The following EIF3M variants were observed in gnomAD, a reference collection of about 807,000 sequenced individuals.
EIF3M encodes the protein B5 receptor.
EIF3M carries 25 observed loss-of-function variants against 49.7 expected under a neutral mutation model. That is an observed-to-expected ratio of 0.50 (90% CI 0.37 to 0.70). The LOEUF is 0.70. EIF3M is among the 30% of genes least tolerant of loss of function. EIF3M has a pLI of 0.00. For synonymous variants in EIF3M, 156 were observed against 149.8 expected (o/e 1.04, Z -0.30); for missense variants, 350 against 440.0 (o/e 0.80, Z 1.83).
intron 6 of EIF3M, 64 bp from the exon 7 acceptor site, chr11:32,594,845 ATCTGC>A: frequency 7.1e-7 from 1 of 1,415,440 alleles, no homozygotes; most frequent in East Asian, 2.3e-5. Flanking sequence ...ATATTTTATG[ATCTGC>A]AAAAACTCAA....
chr11:32,599,961 C>T (rs1855236195), intron 8 of EIF3M, among the ~76,000 whole-genome samples: 1 of 151,836 alleles, frequency 6.6e-6, no homozygotes, highest in Non-Finnish European at 1.5e-5. Context: ...ATTACAACAG[C>T]ATGTTTCATT....
chr11:32,583,862 G>A lies in EIF3M; in HGVS notation c.-26G>A. Reference sequence around the variant, plus strand: ...CGGTCGGCGTGGTCTTGCGAGTGGAGTGTCCGCTGTGCCCGGGCCTGCACC... The same window carrying A: ...CGGTCGGCGTGGTCTTGCGAGTGGAATGTCCGCTGTGCCCGGGCCTGCACC... On this transcript the variant is annotated 5_prime_UTR_variant, in exon 1 of 11. The change creates a new upstream start codon in the 5' untranslated region. Coordinates refer to ENST00000531120, the MANE Select transcript of EIF3M (RefSeq NM_006360.6). 4 of 1,611,172 alleles carry A rather than the reference G, an allele frequency of 2.5e-6. No individual in the cohort carries two copies. The highest frequency in any genetic ancestry group is 3.4e-6 in the Non-Finnish European group (4 of 1,178,158).
chr11:32,597,153 A>G (rs1289902627), intron 8 of EIF3M, among the ~76,000 whole-genome samples: 1 of 152,250 alleles, frequency 6.6e-6, no homozygotes, highest in African/African-American at 2.4e-5. Flanking sequence ...TCATAATGGT[A>G]ACTTTCAGAA....
chr11:32,584,438 T>C (rs1443272470), intron 1 of EIF3M, among the ~76,000 whole-genome samples: 1 of 151,808 alleles, frequency 6.6e-6, no homozygotes, highest in Non-Finnish European at 1.5e-5. Flanking sequence ...AAACCCTGTC[T>C]CTATTAAAAA....
At chr11:32,584,812 CGT>C (rs1854969441) in intron 1 of EIF3M, among the ~76,000 whole-genome samples, 1 of 152,034 alleles carries the variant, frequency 6.6e-6, no homozygotes, top group South Asian at 2.1e-4. Context: ...TTAAATTTCC[CGT>C]TTGGCGTTTG....
At chr11:32,588,830 C>T (rs988604545) in intron 3 of EIF3M, 98 bp downstream of exon 3, 38 of 1,573,986 alleles carry the variant, frequency 2.4e-5, no homozygotes, top group Non-Finnish European at 3.1e-5. Context: ...ACTTGACTCT[C>T]AGCTGTGGCT....
chr11:32,584,607 C>CAAAAAATAAA (rs1854964306), intron 1 of EIF3M, among the ~76,000 whole-genome samples: 1 of 62,292 alleles, frequency 1.6e-5, no homozygotes, highest in Non-Finnish European at 2.9e-5. Flanking sequence ...GAGTCCCTCT[C>CAAAAAATAAA]AAAAAAAAAA....
intron 4 of EIF3M, among the ~76,000 whole-genome samples, 167 bp downstream of exon 4, chr11:32,589,302 GA>G (rs1211496287): frequency 1.3e-5 from 2 of 151,988 alleles, no homozygotes; most frequent in African/African-American, 4.8e-5. Context: ...TCTGCCTCCT[GA>G]GCAGCTGGGA....
At chr11:32,584,792 C>A (rs1026863438) in intron 1 of EIF3M, among the ~76,000 whole-genome samples, 2 of 152,052 alleles carry the variant, frequency 1.3e-5, no homozygotes, top group African/African-American at 4.8e-5. Flanking sequence ...GATGGACCAT[C>A]CTGATATTTT....
chr11:32,585,615 G>C (rs1590509814), intron 1 of EIF3M, among the ~76,000 whole-genome samples: 1 of 152,152 alleles, frequency 6.6e-6, no homozygotes, highest in Non-Finnish European at 1.5e-5. Context: ...CTGTGTATCT[G>C]TTTCCTCCAT....
At chr11:32,596,857 A>T (rs569890849) in intron 8 of EIF3M, among the ~76,000 whole-genome samples, 1 of 152,086 alleles carries the variant, frequency 6.6e-6, no homozygotes, top group Non-Finnish European at 1.5e-5. Context: ...GTGAGTTCAG[A>T]TCACACTGCT....
intron 5 of EIF3M, among the ~76,000 whole-genome samples, chr11:32,589,995 T>C (rs1344726557): frequency 1.3e-5 from 2 of 152,152 alleles, no homozygotes; most frequent in African/African-American, 4.8e-5. Context: ...AAAAACTTTG[T>C]GTTAATGTAA....
chr11:32,597,343 CT>C (rs35635717), intron 8 of EIF3M, among the ~76,000 whole-genome samples: 37,191 of 151,592 alleles, frequency 0.25, 4,661 homozygotes, highest in Middle Eastern at 0.28. Context: ...TTTTTCCCCC[CT>C]ACTATACTAT....
At chr11:32,599,312 G>A (rs1257645170) in intron 8 of EIF3M, among the ~76,000 whole-genome samples, 4 of 151,958 alleles carry the variant, frequency 2.6e-5, no homozygotes, top group Non-Finnish European at 5.9e-5. Flanking sequence ...CTTGGCGCCT[G>A]TAGATTTCCA....
intron 5 of EIF3M, 102 bp downstream of exon 5, chr11:32,589,743 TTCTCC>T: frequency 3.3e-5 from 29 of 882,480 alleles, no homozygotes; most frequent in Non-Finnish European, 4.6e-5. Context: ...CTTTACTCTG[TTCTCC>T]ACAGAGTTGC....
At chr11:32,595,566 A>ACTTACTCACTTACTAAG (rs1268334809) in intron 7 of EIF3M, among the ~76,000 whole-genome samples, 1 of 152,120 alleles carries the variant, frequency 6.6e-6, no homozygotes, top group African/African-American at 2.4e-5. Context: ...TCACTTACTC[A>ACTTACTCACTTACTAAG]TCATTATAGA....
rs1473353817 is a variant in EIF3M at position 32,604,531 on chromosome 11, T to C, written c.*2132T>C. On this transcript the variant is annotated 3_prime_UTR_variant, in exon 11 of 11. Transcript: ENST00000531120. ...GTTTGTGTAAATCTTCTGGTCTCTT[T>C]TCTGTATACACTTTTTAAATACTGG... 2.0e-5 allele frequency: 3 copies of C among 152,234 alleles called. No homozygotes were observed. Among genetic ancestry groups the C allele is most frequent in the African/African-American group, 7.2e-5 (3 of 41,462 alleles). The allele number at this position is 152,234 out of a possible 1,614,324, so 9.4% of individuals were successfully genotyped here.
intron 1 of EIF3M, among the ~76,000 whole-genome samples, chr11:32,584,470 C>T (rs1308045798): frequency 6.6e-6 from 1 of 151,916 alleles, no homozygotes; most frequent in African/African-American, 2.4e-5. Flanking sequence ...TACCCGGGCG[C>T]GGTGGCACGC....
intron 8 of EIF3M, among the ~76,000 whole-genome samples, 175 bp from the exon 9 acceptor site, chr11:32,600,514 G>C (rs540367937): frequency 6.6e-6 from 1 of 151,982 alleles, no homozygotes; most frequent in African/African-American, 2.4e-5. Context: ...TGTGGAGTCA[G>C]TTTATAGTTT....
Sources: gnomAD v4.1 joint callset for allele counts (sites outside exome capture counted in the v4.1 genomes callset) on GRCh38, gnomAD v4.1.1 for gene constraint, MANE v1.5 for transcripts, NCBI Gene and HGNC (gene_info 2026-07-23, HGNC 2026-07-21) for gene names.